Variants in SOCS2 observed in about 807,000 individuals in gnomAD.
The protein encoded by SOCS2 is CIS-2.
A neutral mutation model predicts 18.6 loss-of-function variants in SOCS2; 10 were observed. The ratio of observed to expected loss-of-function variants is 0.54; its 90% CI spans 0.33 to 0.91. SOCS2 has a LOEUF of 0.91. Among genes scored for constraint, SOCS2 ranks in the 40% least tolerant of loss-of-function variants. SOCS2 has a pLI of 0.02. For missense variants in SOCS2, 231 were observed against 247.2 expected, an observed-to-expected ratio of 0.93 and a Z score of 0.44; for synonymous variants, 104 against 104.0, an observed-to-expected ratio of 1.00 and a Z score of 0.00.
intron 1 of SOCS2, 55 bp downstream of exon 1, chr12:93,573,091 C>T: frequency 6.5e-7 from 1 of 1,537,818 alleles, no homozygotes; most frequent in Non-Finnish European, 8.7e-7. Context: ...CCCAAGGAAG[C>T]AGCTAGGAAG....
At chr12:93,577,743 C>T (rs570485486), downstream of SOCS2, among the ~76,000 whole-genome samples, 22 of 152,272 alleles carry the variant, frequency 1.4e-4, no homozygotes, top group African/African-American at 3.1e-4. Context: ...CCCCTGAACA[C>T]GCCTGAAAGG....
chr12:93,572,872 G>T lies in SOCS2; in HGVS notation c.-26G>T, dbSNP rs200388982. On this transcript the variant is annotated 5_prime_UTR_variant, in exon 1 of 2. Coordinates refer to ENST00000551556, the MANE Select transcript of SOCS2 (RefSeq NM_001270471.2). The surrounding 1 kb of genome is among the most constrained non-coding windows in gnomAD (Gnocchi z 5.0). ...CTGACCCCAGCTCGGGCGGCCACCTGTCTTTGCCGCGGTGACCCTTCTCTC... is the reference window on the plus strand; with the variant it reads ...CTGACCCCAGCTCGGGCGGCCACCTTTCTTTGCCGCGGTGACCCTTCTCTC... 4 of 1,563,118 alleles carry T rather than the reference G, an allele frequency of 2.6e-6. No individual in the cohort carries two copies. In the East Asian group the frequency reaches 7.2e-5, roughly 28 times the overall value.
chr12:93,614,516 C>CTTTCTTTCTCT, the SOCS2 span, among the ~76,000 whole-genome samples: 1 of 75,442 alleles, frequency 1.3e-5, no homozygotes, highest in African/African-American at 7.5e-5. Flanking sequence ...TCCTTCCTTC[C>CTTTCTTTCTCT]TTCCTTCCTT....
At chr12:93,590,720 A>G in the SOCS2 span, among the ~76,000 whole-genome samples, 2 of 141,102 alleles carry the variant, frequency 1.4e-5, no homozygotes, top group Non-Finnish European at 3.0e-5. Context: ...GCTTGAACCC[A>G]GCAGGCAGAG....
the SOCS2 span, among the ~76,000 whole-genome samples, chr12:93,600,930 G>A: frequency 3.3e-5 from 5 of 150,872 alleles, no homozygotes; most frequent in African/African-American, 4.9e-5. Flanking sequence ...CTGGGACTAC[G>A]ATTGTGCATC....
At chr12:93,614,478 C>CCTTCCTTCCTTCCTTT in the SOCS2 span, among the ~76,000 whole-genome samples, 3 of 49,424 alleles carry the variant, frequency 6.1e-5, no homozygotes, top group African/African-American at 4.3e-4. Context: ...TTCCTTCCTT[C>CCTTCCTTCCTTCCTTT]CTTTCCTTCC....
the SOCS2 span, among the ~76,000 whole-genome samples, chr12:93,614,501 TTCCTTCC>T: frequency 9.7e-5 from 6 of 61,820 alleles, no homozygotes; most frequent in East Asian, 1.0e-3. Flanking sequence ...CCTTCCTTCC[TTCCTTCC>T]TTCCTTCCTT....
At chr12:93,620,140 T>C in the SOCS2 span, among the ~76,000 whole-genome samples, 1 of 151,272 alleles carries the variant, frequency 6.6e-6, no homozygotes, top group African/African-American at 2.5e-5. Context: ...ATTTTCAATG[T>C]CTTTTTTTGT....
At chr12:93,589,788 A>C in the SOCS2 span, among the ~76,000 whole-genome samples, 18 of 152,358 alleles carry the variant, frequency 1.2e-4, no homozygotes, top group African/African-American at 4.3e-4. Context: ...CAGGAGAAAC[A>C]CATGTAGACG....
chr12:93,588,638 A>C, the SOCS2 span, among the ~76,000 whole-genome samples: 1 of 149,570 alleles, frequency 6.7e-6, no homozygotes, highest in Non-Finnish European at 1.5e-5. Context: ...TTTTTGAGCC[A>C]GAGTCTCGCT....
the SOCS2 span, among the ~76,000 whole-genome samples, chr12:93,619,202 G>A: frequency 6.6e-6 from 1 of 152,200 alleles, no homozygotes; most frequent in African/African-American, 2.4e-5. Context: ...CCATGGCAAC[G>A]CAGGGGACAA....
chr12:93,608,168 TG>T, the SOCS2 span, among the ~76,000 whole-genome samples: 1 of 148,552 alleles, frequency 6.7e-6, no homozygotes, highest in East Asian at 1.9e-4. Context: ...TTTTGTTTTT[TG>T]GTTTTTTTTT....
rs766076455 is a variant in SOCS2, at chr12:93,572,851, C to G, written c.-47C>G. 13 of 1,555,980 alleles carry G rather than the reference C, an allele frequency of 8.4e-6. No homozygotes were observed. The highest frequency in any genetic ancestry group is 8.2e-5 in the African/African-American group (6 of 73,236). Reference sequence around the variant, plus strand: ...AGGAAGGACGCGAACCCTTCTCTGACCCCAGCTCGGGCGGCCACCTGTCTT... The same window carrying G: ...AGGAAGGACGCGAACCCTTCTCTGAGCCCAGCTCGGGCGGCCACCTGTCTT... On this transcript the variant is annotated 5_prime_UTR_variant, in exon 1 of 2. Transcript: ENST00000551556. This position sits in a 1 kb window ranked among gnomAD's most constrained non-coding sequence, Gnocchi z 5.0.
chr12:93,614,470 CCTTCCTTCCTTT>C, the SOCS2 span, among the ~76,000 whole-genome samples: 82 of 89,880 alleles, frequency 9.1e-4, 9 homozygotes, highest in African/African-American at 5.1e-3. Flanking sequence ...TTCCTTCCTT[CCTTCCTTCCTTT>C]CCTTCCTTCC....
chr12:93,591,837 C>T, the SOCS2 span, among the ~76,000 whole-genome samples: 1 of 152,204 alleles, frequency 6.6e-6, no homozygotes, highest in African/African-American at 2.4e-5. Flanking sequence ...TGCCGCATAT[C>T]TCATGGGTTA....
At chr12:93,589,075 C>T in the SOCS2 span, among the ~76,000 whole-genome samples, 2 of 152,240 alleles carry the variant, frequency 1.3e-5, no homozygotes, top group East Asian at 1.9e-4. Context: ...ATTTACCGTA[C>T]AGCATGGTTT....
At chr12:93,570,075 G>C (rs1334799562), upstream of SOCS2, 1 of 152,256 alleles carries the variant, frequency 6.6e-6, no homozygotes, top group Admixed American at 6.5e-5. Flanking sequence ...ATCCCAGGTA[G>C]GGTAGAGGTG....
downstream of SOCS2, among the ~76,000 whole-genome samples, chr12:93,580,618 CA>C (rs35305411): frequency 0.33 from 24,162 of 73,194 alleles, 1,426 homozygotes; most frequent in African/African-American, 0.42. Flanking sequence ...GAGACTGTCT[CA>C]AAAAAAAAAA....
At chr12:93,625,102 A>T in the SOCS2 span, among the ~76,000 whole-genome samples, 3 of 152,220 alleles carry the variant, frequency 2.0e-5, no homozygotes, top group Admixed American at 1.3e-4. Flanking sequence ...TAGCATTCGC[A>T]TTTGCTCTTA....
Sources: gnomAD v4.1 joint callset for allele counts (sites outside exome capture counted in the v4.1 genomes callset) on GRCh38, gnomAD v4.1.1 for gene constraint, Gnocchi (gnomAD v3.1) non-coding constraint, MANE v1.5 for transcripts, NCBI Gene and HGNC (gene_info 2026-07-23, HGNC 2026-07-21) for gene names.